ZBED6: variants seen among roughly 807,000 people sequenced by gnomAD.
ZBED6 encodes the protein zinc finger BED-type containing 6.
In ZBED6, 40 loss-of-function variants were observed where a neutral mutation model predicts 58.4. The ratio of observed to expected loss-of-function variants is 0.68; its 90% CI spans 0.53 to 0.89. The LOEUF is 0.89. Ranked by LOEUF, ZBED6 falls within the 40% of genes least tolerant of loss-of-function variation. The probability of loss-of-function intolerance (pLI) is 0.00; values close to 1 mark genes in which losing one functional copy is unlikely to be tolerated. For missense variants in ZBED6, 1,057 were observed against 1,003.9 expected, an observed-to-expected ratio of 1.05 and a Z score of -0.71; for synonymous variants, 439 against 350.6, an observed-to-expected ratio of 1.25 and a Z score of -2.82.
intron 11 of ZBED6, among the ~76,000 whole-genome samples, chr1:203,844,282 C>G (rs979849107): frequency 2.0e-5 from 3 of 152,222 alleles, no homozygotes; most frequent in African/African-American, 7.2e-5. Context: ...CTGTCTCAGC[C>G]TCCCGAGTAA....
intron 11 of ZBED6, among the ~76,000 whole-genome samples, chr1:203,840,860 C>T (rs752917551): frequency 2.3e-4 from 35 of 152,090 alleles, no homozygotes; most frequent in Non-Finnish European, 3.1e-4. Flanking sequence ...TCTCAAACTC[C>T]TGACCTTAGG....
intron 10 of ZBED6, among the ~76,000 whole-genome samples, chr1:203,838,542 G>A (rs1685085730): frequency 6.6e-6 from 1 of 152,230 alleles, no homozygotes; most frequent in Non-Finnish European, 1.5e-5. Context: ...TCAAGGAACT[G>A]CATATGGCTG....
chr1:203,840,637 T>TTTTA (rs1553268824), intron 11 of ZBED6, among the ~76,000 whole-genome samples: 12 of 124,512 alleles, frequency 9.6e-5, no homozygotes, highest in African/African-American at 3.0e-4. Flanking sequence ...TATTTATTTA[T>TTTTA]TTTATTTATT....
chr1:203,832,608 G>A lies in ZBED6; in HGVS notation c.*3510+837G>A, dbSNP rs185104573. Among the ~76,000 whole-genome samples, 1,168 of 152,254 alleles carry A rather than the reference G, an allele frequency of 7.7e-3. 11 individuals are homozygous for A. The highest frequency in any genetic ancestry group is 0.027 in the African/African-American group (1,124 of 41,542). On this transcript the variant is annotated intron_variant, in intron 8 of 16. Coordinates refer to ENST00000550078, the Ensembl canonical transcript of ZBED6. ...ACTGCTGGCCTCAAATCATCTGCCT[G>A]CCTCAGCCTCCCAAATTGCTGGGAT...
chr1:203,814,023 T>TC (rs1675408661), intron 1 of ZBED6, among the ~76,000 whole-genome samples: 1 of 152,018 alleles, frequency 6.6e-6, no homozygotes, highest in Non-Finnish European at 1.5e-5. Flanking sequence ...ATTTTCAAGT[T>TC]CAGATTCTTT....
chr1:203,850,467 A>G (rs758886716), intron 14 of ZBED6, 48 bp from the exon 15 acceptor site: 2 of 1,603,604 alleles, frequency 1.2e-6, no homozygotes, highest in Non-Finnish European at 1.7e-6. Context: ...TTCCCCATTT[A>G]AAAGAGTCTA....
intron 1 of ZBED6, chr1:203,806,004 C>A: frequency 1.8e-6 from 1 of 562,350 alleles, no homozygotes; most frequent in South Asian, 1.5e-5. Flanking sequence ...TAACTTGTTT[C>A]ATGTTGAATG....
exon 1 of ZBED6, chr1:203,799,451 C>G: frequency 1.4e-6 from 1 of 702,984 alleles, no homozygotes; most frequent in Non-Finnish European, 2.6e-6. Flanking sequence ...TGAAGCAGGA[C>G]GAAACTGGCC....
intron 11 of ZBED6, among the ~76,000 whole-genome samples, chr1:203,842,961 G>T: frequency 6.6e-6 from 1 of 150,592 alleles, no homozygotes; most frequent in African/African-American, 2.4e-5. Context: ...TCAGTTTGAG[G>T]CTTTTAAAAA....
At chr1:203,825,432 T>A (rs910770253) in intron 3 of ZBED6, among the ~76,000 whole-genome samples, 3 of 96,488 alleles carry the variant, frequency 3.1e-5, no homozygotes, top group African/African-American at 1.0e-4. Context: ...TGGAGGATTT[T>A]TTTTTTTTTT....
rs1177054273 is a variant in ZBED6, at chr1:203,826,375, ATAATAAT to A, written c.*2874-1919_*2874-1913del. 2.7e-5 allele frequency among the ~76,000 whole-genome samples: 4 copies of A among 148,624 alleles called. No homozygotes were observed. In the East Asian group the frequency reaches 9.3e-4, roughly 34 times the overall value. On this transcript the variant is annotated intron_variant, in intron 3 of 16. Coordinates refer to ENST00000550078, the Ensembl canonical transcript of ZBED6. ...AAAATTAATAAATAAATATTGATTA[ATAATAAT>A]TAATTCTTTTTAAAAATTATACTTT...
chr1:203,804,146 A>G (rs866828663), intron 1 of ZBED6, among the ~76,000 whole-genome samples: 1 of 135,708 alleles, frequency 7.4e-6, no homozygotes, highest in African/African-American at 2.7e-5. Flanking sequence ...TTCTTCCTGT[A>G]TATGTGTTTT....
At chr1:203,799,313 C>T (rs751867500) in exon 1 of ZBED6, 11 of 711,444 alleles carry the variant, frequency 1.5e-5, no homozygotes, top group South Asian at 4.4e-5. Context: ...ACTTTTTCTG[C>T]GAGCACAAAA....
intron 1 of ZBED6, among the ~76,000 whole-genome samples, chr1:203,805,073 C>G (rs1017598218): frequency 2.6e-5 from 4 of 151,452 alleles, no homozygotes; most frequent in Non-Finnish European, 5.9e-5. Flanking sequence ...AAGAAATATT[C>G]ATTATTGATT....
At chr1:203,835,848 CTT>C in intron 9 of ZBED6, 1 of 241,756 alleles carries the variant, frequency 4.1e-6, no homozygotes, top group Non-Finnish European at 9.1e-6. Flanking sequence ...TATGTGCTCC[CTT>C]TTTTTCCGGA....
At chr1:203,847,437 C>G (rs548678814) in exon 12 of ZBED6, 1 of 1,613,926 alleles carries the variant, frequency 6.2e-7, no homozygotes, top group East Asian at 2.2e-5. Context: ...CAACTTGCAT[C>G]AAGCTAAAGA....
intron 3 of ZBED6, among the ~76,000 whole-genome samples, chr1:203,826,034 G>C (rs2102959628): frequency 6.6e-6 from 1 of 152,276 alleles, no homozygotes; most frequent in East Asian, 1.9e-4. Context: ...TTGCTTCCAG[G>C]AAAGATGTAA....
chr1:203,830,309 A>T (rs746671154), intron 7 of ZBED6, 106 bp downstream of exon 7: 1 of 875,526 alleles, frequency 1.1e-6, no homozygotes, highest in Non-Finnish European at 1.8e-6. Context: ...TTTCATTTCC[A>T]TGGCCTGTTT....
intron 13 of ZBED6, among the ~76,000 whole-genome samples, chr1:203,848,805 C>T (rs1295711559): frequency 6.6e-6 from 1 of 152,108 alleles, no homozygotes; most frequent in Non-Finnish European, 1.5e-5. Flanking sequence ...ATGCATCATA[C>T]AAAAGTTGGA....
Sources: allele counts gnomAD v4.1 joint callset (sites outside exome capture counted in the v4.1 genomes callset), GRCh38; gene constraint gnomAD v4.1.1; transcripts MANE v1.5; gene names NCBI Gene and HGNC (gene_info 2026-07-23, HGNC 2026-07-21).